The following FSTL5 variants were observed in gnomAD, a reference collection of about 807,000 sequenced individuals.
The protein encoded by FSTL5 is follistatin-related protein 5.
In FSTL5, 62 loss-of-function variants were observed where a neutral mutation model predicts 89.1. That is an observed-to-expected ratio of 0.70 (90% CI 0.57 to 0.86). The LOEUF is 0.86. FSTL5 is among the 40% of genes least tolerant of loss of function. The pLI, the probability that FSTL5 is intolerant of heterozygous loss-of-function variation, is 0.00. For missense variants in FSTL5, 1,057 were observed against 1,001.6 expected (o/e 1.06, Z -0.75); for synonymous variants, 383 against 346.2 (o/e 1.11, Z -1.18).
At chr4:161,654,484 G>C (rs1448133502) in intron 7 of FSTL5, among the ~76,000 whole-genome samples, 1 of 152,086 alleles carries the variant, frequency 6.6e-6, no homozygotes, top group South Asian at 2.1e-4. Context: ...TGTGCTCAAT[G>C]TTCTTGGCAT....
intron 6 of FSTL5, among the ~76,000 whole-genome samples, chr4:161,693,963 A>G (rs1162532130): frequency 6.6e-6 from 1 of 151,988 alleles, no homozygotes; most frequent in Non-Finnish European, 1.5e-5. Context: ...TAATCTGTGT[A>G]AAGGTTTGGT....
At chr4:161,716,369 G>C (rs1184456291) in intron 6 of FSTL5, among the ~76,000 whole-genome samples, 1 of 152,050 alleles carries the variant, frequency 6.6e-6, no homozygotes, top group Non-Finnish European at 1.5e-5. Context: ...GGCCAAAGTG[G>C]GCTGATCACT....
chr4:162,093,423 C>A (rs1730627908), intron 2 of FSTL5, among the ~76,000 whole-genome samples: 1 of 152,088 alleles, frequency 6.6e-6, no homozygotes, highest in African/African-American at 2.4e-5. Flanking sequence ...ATAATCTCTA[C>A]CAGAAGGAAT....
At chr4:161,995,984 C>T (rs879767333) in intron 3 of FSTL5, among the ~76,000 whole-genome samples, 5 of 152,008 alleles carry the variant, frequency 3.3e-5, no homozygotes, top group Non-Finnish European at 7.4e-5. Context: ...ATACAAAGCG[C>T]TTTATTAGCA....
Position 161,800,849 on chromosome 4 carries a change from T to C in FSTL5, c.410-24775A>G, listed in dbSNP as rs141961375. Among the ~76,000 whole-genome samples the C allele has an allele frequency of 3.2e-4, 48 of 151,730 alleles. 1 individual carries two copies. The East Asian group carries it at 8.3e-3, about 26-fold the overall frequency. ...AAACAAATATTTTTATGACTTCTTA[T>C]AGGAGCCCACACAATCCCTTACAAT... On this transcript the variant is annotated intron_variant, in intron 4 of 15. Coordinates refer to ENST00000306100, the MANE Select transcript of FSTL5 (RefSeq NM_020116.5).
At chr4:162,004,631 G>C (rs557557196) in intron 3 of FSTL5, among the ~76,000 whole-genome samples, 1 of 152,066 alleles carries the variant, frequency 6.6e-6, no homozygotes, top group African/African-American at 2.4e-5. Context: ...ACATTTCTTA[G>C]ACTACCACAC....
intron 1 of FSTL5, among the ~76,000 whole-genome samples, chr4:162,153,746 A>ATATATGTATAT (rs1292399922): frequency 1.0e-5 from 1 of 98,456 alleles, no homozygotes; most frequent in East Asian, 2.6e-4. Flanking sequence ...GTATATAATA[A>ATATATGTATAT]TATACATGTA....
intron 3 of FSTL5, among the ~76,000 whole-genome samples, chr4:162,012,582 A>G (rs1343319634): frequency 1.3e-5 from 2 of 152,198 alleles, no homozygotes; most frequent in African/African-American, 4.8e-5. Flanking sequence ...AATAATCCTA[A>G]GCATATGAAT....
chr4:161,876,600 C>A (rs891546380), intron 4 of FSTL5, among the ~76,000 whole-genome samples: 1 of 152,052 alleles, frequency 6.6e-6, no homozygotes, highest in Non-Finnish European at 1.5e-5. Context: ...ACTGGCTACA[C>A]GCGGTGGCTC....
intron 2 of FSTL5, among the ~76,000 whole-genome samples, chr4:162,083,092 T>C (rs1730166849): frequency 6.6e-6 from 1 of 151,714 alleles, no homozygotes; most frequent in Admixed American, 6.6e-5. Context: ...AGACATTTGT[T>C]TGGAAAATAG....
At chr4:161,419,999 G>A in intron 15 of FSTL5, among the ~76,000 whole-genome samples, 1 of 152,210 alleles carries the variant, frequency 6.6e-6, no homozygotes, top group East Asian at 1.9e-4. Flanking sequence ...GGTGCTGGCT[G>A]GGGTAATTGA....
At chr4:161,582,660 G>A (rs988423406) in intron 8 of FSTL5, among the ~76,000 whole-genome samples, 4 of 152,136 alleles carry the variant, frequency 2.6e-5, no homozygotes, top group Admixed American at 2.6e-4. Context: ...ATTATAAAGT[G>A]TCATTATTCT....
At chr4:161,503,340 T>G (rs565878190) in intron 11 of FSTL5, among the ~76,000 whole-genome samples, 1 of 151,992 alleles carries the variant, frequency 6.6e-6, no homozygotes, top group African/African-American at 2.4e-5. Flanking sequence ...TTGATAACTA[T>G]TCTCATTTCT....
chr4:161,817,581 C>T (rs1455701601), intron 4 of FSTL5, among the ~76,000 whole-genome samples: 2 of 152,174 alleles, frequency 1.3e-5, no homozygotes, highest in Admixed American at 1.3e-4. Flanking sequence ...AAACTACCCT[C>T]AGCAATTCTT....
intron 3 of FSTL5, among the ~76,000 whole-genome samples, chr4:161,984,837 T>A (rs1054258139): frequency 6.6e-6 from 1 of 152,158 alleles, no homozygotes; most frequent in Non-Finnish European, 1.5e-5. Context: ...ATGATCAGAA[T>A]AGTTTTTTAA....
chr4:161,769,520 A>C lies in FSTL5; in HGVS notation c.606+6358T>G, dbSNP rs1741134611. Among the ~76,000 whole-genome samples, 6 of 152,018 alleles carry C rather than the reference A, an allele frequency of 3.9e-5. No individual in the cohort carries two copies. The South Asian group carries it at 1.2e-3, about 31-fold the overall frequency. ...AGTGGGATTTATCCCAGTGATGCAA[A>C]AATGGTTCAACTTACTCAAATAAAT... On this transcript the variant is annotated intron_variant, in intron 5 of 15. Transcript: ENST00000306100.
chr4:161,943,834 C>T (rs28463634), intron 3 of FSTL5, among the ~76,000 whole-genome samples: 2 of 151,934 alleles, frequency 1.3e-5, no homozygotes, highest in Non-Finnish European at 2.9e-5. Context: ...GGATAACAGG[C>T]GTGAGCCACT....
At chr4:162,151,561 T>G (rs553667447) in intron 1 of FSTL5, among the ~76,000 whole-genome samples, 52 of 152,316 alleles carry the variant, frequency 3.4e-4, no homozygotes, top group Middle Eastern at 3.4e-3. Context: ...AGCCTGCTGG[T>G]GCTTTACAGA....
chr4:162,079,428 C>T (rs2111329516), intron 2 of FSTL5, among the ~76,000 whole-genome samples: 1 of 151,626 alleles, frequency 6.6e-6, no homozygotes, highest in African/African-American at 2.4e-5. Context: ...AAAAGAAAGA[C>T]ATGGGAAAAT....
Sources: allele counts gnomAD v4.1 joint callset (sites outside exome capture counted in the v4.1 genomes callset), GRCh38; gene constraint gnomAD v4.1.1; transcripts MANE v1.5; gene names NCBI Gene and HGNC (gene_info 2026-07-23, HGNC 2026-07-21).